The following IL1RAPL1 variants were observed in gnomAD, a reference collection of about 807,000 sequenced individuals.
IL1RAPL1 encodes the protein interleukin-1 receptor accessory protein-like 1.
In IL1RAPL1, 3 loss-of-function variants were observed where a neutral mutation model predicts 48.4. That is an observed-to-expected ratio of 0.06 (90% CI 0.03 to 0.16). IL1RAPL1 has a LOEUF of 0.16. Ranked by LOEUF, IL1RAPL1 falls within the 10% of genes least tolerant of loss-of-function variation. IL1RAPL1 has a pLI of 1.00. For missense variants in IL1RAPL1, 349 were observed against 530.6 expected (o/e 0.66, Z 3.36); for synonymous variants, 185 against 187.7 (o/e 0.99, Z 0.12).
chrX:29,696,147 G>A (rs1926906241), intron 6 of IL1RAPL1, among the ~76,000 whole-genome samples: 1 of 110,798 alleles, frequency 9.0e-6, no homozygotes, highest in Admixed American at 9.7e-5. Context: ...ATATTTATCA[G>A]CATCCCTGGC....
At chrX:28,694,295 G>A (rs1935207795) in intron 1 of IL1RAPL1, among the ~76,000 whole-genome samples, 1 of 111,963 alleles carries the variant, frequency 8.9e-6, no homozygotes, top group Non-Finnish European at 1.9e-5. Context: ...AACCTGGGGA[G>A]CTTTGGTCAT....
At chrX:29,378,777 G>T (rs1015862295) in intron 3 of IL1RAPL1, among the ~76,000 whole-genome samples, 5 of 112,107 alleles carry the variant, frequency 4.5e-5, no homozygotes, top group African/African-American at 1.6e-4. Context: ...TGTGGTATAG[G>T]GGGGAGAAGA....
At chrX:29,636,630 A>T (rs972216800) in intron 5 of IL1RAPL1, among the ~76,000 whole-genome samples, 1 of 112,162 alleles carries the variant, frequency 8.9e-6, no homozygotes, top group African/African-American at 3.2e-5. Flanking sequence ...CCAATCTCCT[A>T]TACTGTCACC....
intron 2 of IL1RAPL1, among the ~76,000 whole-genome samples, chrX:28,884,064 T>C (rs1421825215): frequency 2.7e-5 from 3 of 111,867 alleles, no homozygotes; most frequent in African/African-American, 6.5e-5. Context: ...TTGGGAGATA[T>C]ACCTAATGCT....
intron 2 of IL1RAPL1, among the ~76,000 whole-genome samples, chrX:29,069,686 T>G (rs1018098530): frequency 3.9e-5 from 4 of 101,751 alleles, no homozygotes; most frequent in Non-Finnish European, 8.4e-5. Context: ...CCCTTCACAG[T>G]TTTTATATTT....
intron 2 of IL1RAPL1, among the ~76,000 whole-genome samples, chrX:29,095,226 A>G (rs1928188758): frequency 9.0e-6 from 1 of 111,086 alleles, no homozygotes; most frequent in Non-Finnish European, 1.9e-5. Flanking sequence ...TCTAAATTTT[A>G]GAAAGGTGTT....
intron 2 of IL1RAPL1, among the ~76,000 whole-genome samples, chrX:29,083,089 A>G (rs1174247912): frequency 8.9e-6 from 1 of 112,138 alleles, no homozygotes; most frequent in Admixed American, 9.5e-5. Flanking sequence ...TTCTGTAGAA[A>G]GGTTTCTGAT....
intron 6 of IL1RAPL1, among the ~76,000 whole-genome samples, chrX:29,865,057 T>C (rs1471804383): frequency 1.8e-5 from 2 of 112,142 alleles, no homozygotes; most frequent in African/African-American, 6.5e-5. Context: ...TCAAAGGATT[T>C]CATGCATCCA....
chrX:28,879,768 A>T (rs923477315), intron 2 of IL1RAPL1, among the ~76,000 whole-genome samples: 4 of 112,137 alleles, frequency 3.6e-5, no homozygotes, highest in Non-Finnish European at 7.5e-5. Context: ...TTCAAGAAAA[A>T]TGCACTCAAC....
intron 2 of IL1RAPL1, among the ~76,000 whole-genome samples, chrX:28,809,257 G>A (rs1420308001): frequency 9.1e-6 from 1 of 110,264 alleles, no homozygotes; most frequent in Non-Finnish European, 1.9e-5. Context: ...AGGAACTTAG[G>A]ATAAAATGAT....
At chrX:28,846,172 C>T (rs1184010004) in intron 2 of IL1RAPL1, among the ~76,000 whole-genome samples, 1 of 112,053 alleles carries the variant, frequency 8.9e-6, no homozygotes, top group African/African-American at 3.2e-5. Flanking sequence ...TGGAATCACT[C>T]AGTATGTAAC....
chrX:29,283,311 T>C (rs1932231759), intron 3 of IL1RAPL1, 94 bp downstream of exon 3: 6 of 892,241 alleles, frequency 6.7e-6, no homozygotes, highest in Non-Finnish European at 8.1e-6. Context: ...CCTAAAGCCG[T>C]TGTCTCAATA....
chrX:29,607,742 C>G (rs1161630585), intron 5 of IL1RAPL1, among the ~76,000 whole-genome samples: 1 of 111,992 alleles, frequency 8.9e-6, no homozygotes, highest in Non-Finnish European at 1.9e-5. Context: ...ACTAGCCTTT[C>G]CACATGAGAG....
At chrX:28,881,801 C>A (rs970374463) in intron 2 of IL1RAPL1, among the ~76,000 whole-genome samples, 1 of 111,080 alleles carries the variant, frequency 9.0e-6, no homozygotes, top group East Asian at 2.8e-4. Flanking sequence ...AATCAATGAA[C>A]TTCAAGACAT....
At chrX:29,072,736 G>A (rs1273597625) in intron 2 of IL1RAPL1, among the ~76,000 whole-genome samples, 1 of 112,051 alleles carries the variant, frequency 8.9e-6, no homozygotes, top group Non-Finnish European at 1.9e-5. Flanking sequence ...GCCTCAGAAA[G>A]ATCCCTAGCT....
chrX:29,029,570 G>A (rs893907585), intron 2 of IL1RAPL1, among the ~76,000 whole-genome samples: 2 of 111,913 alleles, frequency 1.8e-5, no homozygotes, highest in African/African-American at 6.5e-5. Flanking sequence ...TGATGTTTCT[G>A]CAGAGAGATG....
intron 5 of IL1RAPL1, among the ~76,000 whole-genome samples, chrX:29,560,222 T>A (rs1922143020): frequency 9.0e-6 from 1 of 111,625 alleles, no homozygotes; most frequent in Non-Finnish European, 1.9e-5. Flanking sequence ...TCCCATTCTC[T>A]TATGGCCTGG....
intron 2 of IL1RAPL1, among the ~76,000 whole-genome samples, chrX:29,064,763 AG>A (rs922864760): frequency 2.7e-5 from 3 of 110,896 alleles, no homozygotes; most frequent in Non-Finnish European, 5.7e-5. Context: ...TTATATTTTT[AG>A]TAGAGATGGG....
intron 6 of IL1RAPL1, among the ~76,000 whole-genome samples, chrX:29,813,568 T>A (rs957458798): frequency 1.8e-5 from 2 of 111,941 alleles, no homozygotes; most frequent in Non-Finnish European, 3.8e-5. Flanking sequence ...CTTTCATTTT[T>A]TATTTTTTAA....
Sources: allele counts gnomAD v4.1 joint callset (sites outside exome capture counted in the v4.1 genomes callset), GRCh38; gene constraint gnomAD v4.1.1; transcripts MANE v1.5; gene names NCBI Gene and HGNC (gene_info 2026-07-23, HGNC 2026-07-21).